SLC35F3: variants seen among roughly 807,000 people sequenced by gnomAD.
The protein encoded by SLC35F3 is solute carrier family 35 member F3.
Under a neutral mutation model 49.9 loss-of-function variants are expected in SLC35F3, and 25 were observed. The ratio of observed to expected loss-of-function variants is 0.50; its 90% CI spans 0.37 to 0.70. The LOEUF (loss-of-function observed/expected upper bound fraction) is 0.70, where lower values mean the gene tolerates loss of function less well. Ranked by LOEUF, SLC35F3 falls within the 30% of genes least tolerant of loss-of-function variation. The pLI, the probability that SLC35F3 is intolerant of heterozygous loss-of-function variation, is 0.00. For missense variants in SLC35F3, 525 were observed against 639.8 expected (o/e 0.82, Z 1.94); for synonymous variants, 275 against 265.4 (o/e 1.04, Z -0.35).
chr1:234,108,348 A>ATATATT (rs544736640), intron 2 of SLC35F3, among the ~76,000 whole-genome samples: 1 of 116,198 alleles, frequency 8.6e-6, no homozygotes. Flanking sequence ...TATAAAAGAT[A>ATATATT]TATATTTATA....
rs148213598 is a variant in SLC35F3 at position 234,014,135 on chromosome 1, C to G, written c.283+108377C>G. 8.5e-5 allele frequency among the ~76,000 whole-genome samples: 13 copies of G among 152,264 alleles called. No individual in the cohort carries two copies. In the East Asian group the frequency reaches 2.5e-3, roughly 29 times the overall value. On this transcript the variant is annotated intron_variant, in intron 2 of 7. Transcript: ENST00000366618. ...ATTCAACAGCACAGTGAAAGAATCA[C>G]TCATGTAATCAAGTGGGATTTATTC...
At chr1:234,132,038 G>A (rs1301768394) in intron 2 of SLC35F3, among the ~76,000 whole-genome samples, 1 of 152,088 alleles carries the variant, frequency 6.6e-6, no homozygotes, top group Non-Finnish European at 1.5e-5. Context: ...CACAAATATT[G>A]CCTAACACAG....
At chr1:234,305,751 C>A (rs896272612) in intron 3 of SLC35F3, among the ~76,000 whole-genome samples, 1 of 152,114 alleles carries the variant, frequency 6.6e-6, no homozygotes, top group African/African-American at 2.4e-5. Context: ...AAAAAGTTTT[C>A]GTTTCCCACT....
At chr1:234,114,622 G>C (rs1665457596) in intron 2 of SLC35F3, among the ~76,000 whole-genome samples, 2 of 152,152 alleles carry the variant, frequency 1.3e-5, no homozygotes, top group Admixed American at 1.3e-4. Flanking sequence ...TGAGAATTGA[G>C]ATTTAATTCT....
intron 2 of SLC35F3, among the ~76,000 whole-genome samples, chr1:233,923,214 A>G (rs1011680101): frequency 2.0e-5 from 3 of 152,182 alleles, no homozygotes; most frequent in South Asian, 2.1e-4. Flanking sequence ...TGGGTATGGC[A>G]TTGAATCTAT....
intron 2 of SLC35F3, among the ~76,000 whole-genome samples, chr1:234,230,060 GAA>G (rs1295302877): frequency 6.6e-6 from 1 of 152,212 alleles, no homozygotes; most frequent in East Asian, 1.9e-4. Context: ...GTGAGCACAT[GAA>G]AAGTTAGAGA....
chr1:234,025,697 TGATA>T lies in SLC35F3; in HGVS notation c.283+119943_283+119946del, dbSNP rs755378918. On this transcript the variant is annotated intron_variant, in intron 2 of 7. Coordinates refer to ENST00000366618, the MANE Select transcript of SLC35F3 (RefSeq NM_173508.4). ...GGTTTTGCTTGTTGATTTAAGTTTC[TGATA>T]GATTCTGGATGTTAGACCTTTGTAG... 2.9e-3 allele frequency among the ~76,000 whole-genome samples: 437 copies of T among 152,342 alleles called. 5 individuals carry two copies. The highest frequency in any genetic ancestry group is 3.6e-3 in the Admixed American group (55 of 15,306).
Position 234,214,194 on chromosome 1 carries a change from A to C in SLC35F3, c.284-17223A>C. 1 of 1,129,878 alleles carries C rather than the reference A, an allele frequency of 8.9e-7. No individual in the cohort carries two copies. Among genetic ancestry groups the C allele is most frequent in the Non-Finnish European group, 1.1e-6 (1 of 923,186 alleles). 70.0% of individuals were successfully genotyped at this position (1,129,878 alleles called of 1,614,324 possible). On this transcript the variant is annotated intron_variant, in intron 2 of 7. Transcript: ENST00000366618. This position sits in a 1 kb window ranked among gnomAD's most constrained non-coding sequence, Gnocchi z 8.0. ...AGCAGGTGAGCTGCGGGGTGGGAGCAGGGAGTGCACTTGTACGTGACGTTG... is the reference window on the plus strand; with the variant it reads ...AGCAGGTGAGCTGCGGGGTGGGAGCCGGGAGTGCACTTGTACGTGACGTTG...
intron 2 of SLC35F3, among the ~76,000 whole-genome samples, chr1:233,907,781 A>G (rs1409766767): frequency 1.3e-5 from 2 of 151,878 alleles, no homozygotes; most frequent in African/African-American, 4.8e-5. Context: ...TGTAGAGTGC[A>G]GTGGCATGAT....
At chr1:234,246,095 C>G (rs1667627039) in intron 3 of SLC35F3, among the ~76,000 whole-genome samples, 1 of 152,152 alleles carries the variant, frequency 6.6e-6, no homozygotes, top group Non-Finnish European at 1.5e-5. Context: ...TCCACAGCAT[C>G]TGAAGCAAAG....
At chr1:234,166,041 T>C (rs1666313661) in intron 2 of SLC35F3, among the ~76,000 whole-genome samples, 1 of 152,220 alleles carries the variant, frequency 6.6e-6, no homozygotes, top group South Asian at 2.1e-4. Context: ...TGTTCTTTTT[T>C]ATGGCTGAGT....
intron 4 of SLC35F3, 147 bp downstream of exon 4, chr1:234,309,467 A>G (rs1258591341): frequency 1.4e-6 from 1 of 689,984 alleles, no homozygotes; most frequent in Admixed American, 2.8e-5. Flanking sequence ...TGAGCCCAGC[A>G]GAGGGCCCGG....
intron 1 of SLC35F3, 29 bp downstream of exon 1, chr1:233,905,159 G>T: frequency 6.5e-7 from 1 of 1,549,990 alleles, no homozygotes; most frequent in Non-Finnish European, 8.7e-7. Flanking sequence ...GTGGGTGAGC[G>T]AGCCGGCGGG....
At chr1:234,192,196 A>G (rs754145815) in intron 2 of SLC35F3, among the ~76,000 whole-genome samples, 1 of 152,124 alleles carries the variant, frequency 6.6e-6, no homozygotes, top group Non-Finnish European at 1.5e-5. Context: ...ACATAGATGC[A>G]AAAATCATAA....
intron 3 of SLC35F3, among the ~76,000 whole-genome samples, chr1:234,303,298 G>A (rs1043182000): frequency 1.3e-5 from 2 of 151,910 alleles, no homozygotes; most frequent in African/African-American, 4.8e-5. Flanking sequence ...TCCCCTAAAC[G>A]TTCTGCCACC....
chr1:234,247,039 T>A (rs1358999594), intron 3 of SLC35F3, among the ~76,000 whole-genome samples: 1 of 152,158 alleles, frequency 6.6e-6, no homozygotes, highest in Non-Finnish European at 1.5e-5. Flanking sequence ...AGTTACCAGT[T>A]CATGGGGCTG....
At chr1:234,290,134 A>G (rs1333042340) in intron 3 of SLC35F3, among the ~76,000 whole-genome samples, 1 of 152,246 alleles carries the variant, frequency 6.6e-6, no homozygotes, top group Non-Finnish European at 1.5e-5. Flanking sequence ...AAATCATCCA[A>G]AGTAAAGCAC....
At chr1:233,980,585 G>A (rs1166520977) in intron 2 of SLC35F3, among the ~76,000 whole-genome samples, 2 of 152,210 alleles carry the variant, frequency 1.3e-5, no homozygotes, top group Admixed American at 1.3e-4. Flanking sequence ...AGAAGGCAAG[G>A]TGCGTGACTA....
intron 2 of SLC35F3, among the ~76,000 whole-genome samples, chr1:234,008,533 T>G (rs977509696): frequency 2.6e-5 from 4 of 152,206 alleles, no homozygotes; most frequent in Admixed American, 6.5e-5. Flanking sequence ...ACAGTCTCCT[T>G]TTTCTGCACT....
Sources: gnomAD v4.1 joint callset for allele counts (sites outside exome capture counted in the v4.1 genomes callset) on GRCh38, gnomAD v4.1.1 for gene constraint, Gnocchi (gnomAD v3.1) non-coding constraint, MANE v1.5 for transcripts, NCBI Gene and HGNC (gene_info 2026-07-23, HGNC 2026-07-21) for gene names.